The following MARCHF1 variants were observed in gnomAD, a reference collection of about 807,000 sequenced individuals.
The protein encoded by MARCHF1 is membrane associated ring-CH-type finger 1.
A neutral mutation model predicts 54.2 loss-of-function variants in MARCHF1; 40 were observed. The observed-to-expected ratio is 0.74, with a 90% CI of 0.57 to 0.96. The LOEUF (loss-of-function observed/expected upper bound fraction) is 0.96. Among genes scored for constraint, MARCHF1 ranks in the 40% least tolerant of loss-of-function variants. The pLI, the probability that MARCHF1 is intolerant of heterozygous loss-of-function variation, is 0.00. For synonymous variants in MARCHF1, 236 were observed against 236.3 expected (o/e 1.00, Z 0.01); for missense variants, 586 against 656.5 (o/e 0.89, Z 1.17).
chr4:164,274,346 T>C (rs1316622905), intron 1 of MARCHF1, among the ~76,000 whole-genome samples: 1 of 152,180 alleles, frequency 6.6e-6, no homozygotes, highest in East Asian at 1.9e-4. Context: ...TCAATATCTA[T>C]ATCAAAAATG....
chr4:163,902,190 G>A (rs1750956704), intron 3 of MARCHF1, among the ~76,000 whole-genome samples: 1 of 152,178 alleles, frequency 6.6e-6, no homozygotes, highest in Non-Finnish European at 1.5e-5. Context: ...GATCACCATA[G>A]CTAATGTCAA....
chr4:163,976,986 T>C (rs1752660908), intron 3 of MARCHF1, among the ~76,000 whole-genome samples: 2 of 152,086 alleles, frequency 1.3e-5, no homozygotes, highest in Admixed American at 1.3e-4. Context: ...GTTAAGTCAT[T>C]AAGTTTTGGG....
chr4:163,667,149 T>C (rs1389594839), intron 5 of MARCHF1, among the ~76,000 whole-genome samples: 1 of 151,812 alleles, frequency 6.6e-6, no homozygotes, highest in Admixed American at 6.6e-5. Context: ...GTTCTTTTTT[T>C]AAAAAAAAAT....
intron 3 of MARCHF1, among the ~76,000 whole-genome samples, chr4:163,941,884 G>A (rs1751919765): frequency 6.6e-6 from 1 of 152,084 alleles, no homozygotes; most frequent in Non-Finnish European, 1.5e-5. Flanking sequence ...AAGAGTGTCA[G>A]CTTATACTCA....
chr4:163,591,171 G>A (rs1313052932), intron 7 of MARCHF1, among the ~76,000 whole-genome samples: 4 of 151,768 alleles, frequency 2.6e-5, no homozygotes, highest in African/African-American at 9.7e-5. Context: ...TCTACTAAAA[G>A]TAGTATTTAT....
chr4:164,015,586 A>G (rs562598215), intron 2 of MARCHF1, among the ~76,000 whole-genome samples: 58 of 152,352 alleles, frequency 3.8e-4, no homozygotes, highest in South Asian at 2.1e-3. Context: ...CAGAATAGAT[A>G]AGGATCTCAA....
chr4:163,630,290 T>A (rs1742027953), intron 5 of MARCHF1, among the ~76,000 whole-genome samples: 1 of 149,036 alleles, frequency 6.7e-6, no homozygotes, highest in African/African-American at 2.5e-5. Context: ...ATGCAAAAAA[T>A]AGAAGAATCT....
intron 5 of MARCHF1, among the ~76,000 whole-genome samples, chr4:163,668,916 GAGATTCACA>G (rs1743633501): frequency 6.6e-6 from 1 of 152,108 alleles, no homozygotes; most frequent in African/African-American, 2.4e-5. Flanking sequence ...GGGCCGACCT[GAGATTCACA>G]GTGGCTTTCT....
intron 1 of MARCHF1, among the ~76,000 whole-genome samples, chr4:164,286,716 A>AATATG (rs397740034): frequency 1.4e-5 from 2 of 147,502 alleles, no homozygotes; most frequent in Non-Finnish European, 3.0e-5. Flanking sequence ...TTATATATAT[A>AATATG]TTTTATATTT....
At chr4:164,003,670 A>C (rs545284170) in intron 2 of MARCHF1, among the ~76,000 whole-genome samples, 3 of 152,260 alleles carry the variant, frequency 2.0e-5, no homozygotes, top group African/African-American at 7.2e-5. Context: ...AAATAGGAAC[A>C]CTTTTACACT....
intron 4 of MARCHF1, among the ~76,000 whole-genome samples, chr4:163,718,141 A>C (rs1394562394): frequency 6.6e-6 from 1 of 152,166 alleles, no homozygotes; most frequent in Non-Finnish European, 1.5e-5. Context: ...CATCTTACAC[A>C]AAAAATTAAT....
chr4:164,211,666 C>T (rs1353392429), intron 1 of MARCHF1, among the ~76,000 whole-genome samples: 2 of 151,978 alleles, frequency 1.3e-5, no homozygotes, highest in Admixed American at 6.6e-5. Context: ...TCTTTGCCCT[C>T]ATGTTCTTAT....
At chr4:163,766,397 AT>A (rs35677474) in intron 4 of MARCHF1, among the ~76,000 whole-genome samples, 10,862 of 152,208 alleles carry the variant, frequency 0.071, 567 homozygotes, top group East Asian at 0.16. Flanking sequence ...TTTTACCTAC[AT>A]TTCTAAAGGT....
intron 9 of MARCHF1, among the ~76,000 whole-genome samples, chr4:163,537,953 ACAAT>A (rs1222616206): frequency 6.6e-6 from 1 of 152,222 alleles, no homozygotes; most frequent in Admixed American, 6.5e-5. Flanking sequence ...CCATTCCCAA[ACAAT>A]CAACATGCGA....
intron 1 of MARCHF1, among the ~76,000 whole-genome samples, chr4:164,281,926 T>C (rs1239265713): frequency 7.0e-6 from 1 of 142,746 alleles, no homozygotes; most frequent in Non-Finnish European, 1.5e-5. Context: ...TCCATTAGTC[T>C]AGGATTTTCT....
chr4:163,873,074 A>C lies in MARCHF1; in HGVS notation c.-38-18905T>G, dbSNP rs568374084. ...AAAAACAAACAAACAAACAAAAAAA[A>C]ACAAACAAACAAACAAAAAAAATGA... On this transcript the variant is annotated intron_variant, in intron 3 of 9. Transcript: ENST00000514618. Among the ~76,000 whole-genome samples the C allele has an allele frequency of 2.9e-3, 417 of 144,720 alleles. 1 individual carries two copies. Among genetic ancestry groups the C allele is most frequent in the Non-Finnish European group, 5.0e-3 (333 of 66,798 alleles). 94.9% of individuals were successfully genotyped at this position (144,720 alleles called of 152,430 possible). A position where few individuals can be genotyped will look rare whatever the true frequency, so the allele number is the denominator to read the frequency against.
At chr4:164,239,804 T>C (rs902653110) in intron 1 of MARCHF1, among the ~76,000 whole-genome samples, 1 of 151,806 alleles carries the variant, frequency 6.6e-6, no homozygotes, top group African/African-American at 2.4e-5. Flanking sequence ...ATTCTTCTTT[T>C]CATTTCTTTG....
intron 4 of MARCHF1, among the ~76,000 whole-genome samples, chr4:163,809,279 A>C (rs1748317614): frequency 6.6e-6 from 1 of 152,228 alleles, no homozygotes; most frequent in Non-Finnish European, 1.5e-5. Flanking sequence ...ACTAATAGTA[A>C]GAAGAAAAAC....
chr4:164,193,133 G>A (rs74427143), intron 1 of MARCHF1, among the ~76,000 whole-genome samples: 1,939 of 152,152 alleles, frequency 0.013, 49 homozygotes, highest in East Asian at 0.1. Context: ...AGGACCTCTA[G>A]CTTCATTATT....
Sources: allele counts gnomAD v4.1 joint callset (sites outside exome capture counted in the v4.1 genomes callset), GRCh38; gene constraint gnomAD v4.1.1; transcripts MANE v1.5; gene names NCBI Gene and HGNC (gene_info 2026-07-23, HGNC 2026-07-21).